PCDHA9: variants seen among roughly 807,000 people sequenced by gnomAD.
PCDHA9 encodes protocadherin alpha 9.
PCDHA9 carries 62 observed loss-of-function variants against 62.0 expected under a neutral mutation model. The observed-to-expected ratio is 1.00, with a 90% CI of 0.81 to 1.23. The LOEUF (loss-of-function observed/expected upper bound fraction) is 1.23, where lower values mean the gene tolerates loss of function less well. Among genes scored for constraint, PCDHA9 ranks in the 50% most tolerant of loss-of-function variants. PCDHA9 has a pLI of 0.00. For missense variants in PCDHA9, 1,205 were observed against 1,249.8 expected (o/e 0.96, Z 0.54); for synonymous variants, 557 against 567.6 (o/e 0.98, Z 0.27).
intron 1 of PCDHA9, chr5:140,861,164 C>G (rs2046783856): frequency 6.4e-6 from 1 of 156,700 alleles, no homozygotes; most frequent in African/African-American, 2.4e-5. Flanking sequence ...CAAAAGGTCT[C>G]AGAGGAACTA....
chr5:140,849,848 C>A lies in PCDHA9; in HGVS notation c.1353C>A (p.Asn451Lys), dbSNP rs2150453425. Residue 451 changes from asparagine to lysine, a missense_variant, in exon 1 of 4, where the codon AAC becomes AAA. Coordinates refer to ENST00000532602, the MANE Select transcript of PCDHA9 (RefSeq NM_031857.2). ...VSVEVADVND[N>K]APAFAQSEYT... ...TGGAGGTGGCCGACGTGAACGACAA[C>A]GCACCAGCGTTCGCGCAGTCCGAGT... 1 of 1,598,546 alleles carries A rather than the reference C, an allele frequency of 6.3e-7. No homozygotes were observed. Among genetic ancestry groups the A allele is most frequent in the African/African-American group, 1.3e-5 (1 of 74,516 alleles).
At chr5:140,961,981 T>G (rs1408145304) in intron 1 of PCDHA9, among the ~76,000 whole-genome samples, 1 of 152,076 alleles carries the variant, frequency 6.6e-6, no homozygotes, top group African/African-American at 2.4e-5. Context: ...CCTCCTGGGT[T>G]CACGCCATTG....
intron 1 of PCDHA9, chr5:140,870,544 G>T: frequency 6.2e-7 from 1 of 1,614,124 alleles, no homozygotes. Context: ...GGCGCGGGAC[G>T]CGGACGCGCA....
At position 140,925,553 on chromosome 5, in the gene PCDHA9, A is replaced by G. The variant is rs183194732; in HGVS notation, c.2395-53396A>G. 8.0e-3 allele frequency among the ~76,000 whole-genome samples: 1,211 copies of G among 152,074 alleles called. 7 individuals carry two copies. The highest frequency in any genetic ancestry group is 0.019 in the African/African-American group (785 of 41,482). On this transcript the variant is annotated intron_variant, in intron 1 of 3. Transcript: ENST00000532602. The stretch of plus-strand genomic sequence containing the variant: ...AGGAGAAATACCTAATGTAAATGAC[A>G]AGTTAATGGGTGCAGCACACCAACA...
intron 1 of PCDHA9, among the ~76,000 whole-genome samples, chr5:140,890,160 C>T (rs1554184178): frequency 1.3e-5 from 2 of 152,246 alleles, no homozygotes; most frequent in East Asian, 3.9e-4. Context: ...AGTATTTCTG[C>T]CACAGAAATA....
chr5:140,929,470 T>G (rs1554207109), intron 1 of PCDHA9: 3 of 1,296,742 alleles, frequency 2.3e-6, no homozygotes, highest in Admixed American at 2.9e-5. Context: ...CCAAGAAATC[T>G]GGAAGTATAG....
chr5:140,959,061 A>G (rs1434123552), intron 1 of PCDHA9, among the ~76,000 whole-genome samples: 2 of 152,126 alleles, frequency 1.3e-5, no homozygotes, highest in Non-Finnish European at 2.9e-5. Flanking sequence ...AATGCAGTAT[A>G]TATAGAATTC....
intron 1 of PCDHA9, among the ~76,000 whole-genome samples, chr5:140,893,520 T>G (rs1490032872): frequency 6.6e-6 from 1 of 152,152 alleles, no homozygotes; most frequent in Non-Finnish European, 1.5e-5. Flanking sequence ...GTTGTAGAAC[T>G]CCTTTAAGTA....
At chr5:140,966,454 C>T (rs897696652) in intron 1 of PCDHA9, 6 of 426,406 alleles carry the variant, frequency 1.4e-5, no homozygotes, top group Admixed American at 4.4e-5. Flanking sequence ...TCCCCCTCCC[C>T]CTCTGTCTTC....
chr5:140,969,254 A>G (rs781854163), intron 1 of PCDHA9: 2 of 1,614,242 alleles, frequency 1.2e-6, no homozygotes, highest in Non-Finnish European at 1.7e-6. Context: ...GACTGACAGC[A>G]GGAATCTCAC....
At chr5:140,909,215 AC>A (rs1554193695) in intron 1 of PCDHA9, among the ~76,000 whole-genome samples, 1 of 152,160 alleles carries the variant, frequency 6.6e-6, no homozygotes, top group African/African-American at 2.4e-5. Flanking sequence ...GAGTTGATAT[AC>A]CCCTGAGGTA....
chr5:140,869,348 G>A (rs782687742), intron 1 of PCDHA9: 1 of 1,614,066 alleles, frequency 6.2e-7, no homozygotes, highest in South Asian at 1.1e-5. Context: ...CTGCAGAATG[G>A]CATTTTGTTT....
At chr5:140,892,363 G>T (rs1485881453) in intron 1 of PCDHA9, among the ~76,000 whole-genome samples, 1 of 152,120 alleles carries the variant, frequency 6.6e-6, no homozygotes, top group African/African-American at 2.4e-5. Context: ...CAGGCATCTT[G>T]GGGCACTAGC....
rs782319322 is a variant in PCDHA9, at chr5:140,870,788, C to T, written c.2394+19899C>T. 6 of 1,613,518 alleles carry T rather than the reference C, an allele frequency of 3.7e-6. No individual in the cohort carries two copies. The Admixed American group carries it at 6.7e-5, about 18-fold the overall frequency. On this transcript the variant is annotated intron_variant, in intron 1 of 3. Coordinates refer to ENST00000532602, the MANE Select transcript of PCDHA9 (RefSeq NM_031857.2). Reference sequence around the variant, plus strand: ...GTGCTGGACGAGAACGACAACGCGCCGGCACTGCTGGCGACTCAGGCTGGC... The same window carrying T: ...GTGCTGGACGAGAACGACAACGCGCTGGCACTGCTGGCGACTCAGGCTGGC...
At chr5:140,981,859 C>A (rs2096954450) in intron 2 of PCDHA9, among the ~76,000 whole-genome samples, 1 of 152,118 alleles carries the variant, frequency 6.6e-6, no homozygotes, top group African/African-American at 2.4e-5. Flanking sequence ...TCACTCCCAG[C>A]AATGTTTTAT....
intron 1 of PCDHA9, chr5:140,966,887 G>A: frequency 6.3e-7 from 1 of 1,592,682 alleles, no homozygotes. Flanking sequence ...TGGCCCTGCG[G>A]CCTCCCAGCT....
intron 1 of PCDHA9, chr5:140,928,599 T>G: frequency 6.2e-7 from 1 of 1,614,224 alleles, no homozygotes. Context: ...CAGTGGAAAT[T>G]GTGCCCCGCT....
Position 140,853,860 on chromosome 5 carries a change from C to T in PCDHA9, c.2394+2971C>T, listed in dbSNP as rs2042890748. The T allele has an allele frequency of 9.1e-6, 9 of 984,410 alleles. No individual in the cohort carries two copies. In the South Asian group the frequency reaches 3.3e-4, roughly 36 times the overall value. The allele number at this position is 984,410 out of a possible 1,614,324, so 61.0% of individuals were successfully genotyped here. On this transcript the variant is annotated intron_variant, in intron 1 of 3. Coordinates refer to ENST00000532602, the MANE Select transcript of PCDHA9 (RefSeq NM_031857.2). ...TTTAGATCCATAGCCCTATTTGATA[C>T]TTGACAGTGCAAGTTTCTGTAATTT...
In PCDHA9 at chr5:140,993,460, T is replaced by TCCCA. The variant is rs1554253699; in HGVS notation, c.2542+10898_2542+10899insCCAC. On this transcript the variant is annotated intron_variant, in intron 3 of 3. Transcript: ENST00000532602. Reference sequence around the variant, plus strand: ...TTCATTCCTGTTCTCCTTCTTTCTTTCTCACACACACACACACACACACAC... The same window carrying TCCCA: ...TTCATTCCTGTTCTCCTTCTTTCTTTCCCACTCACACACACACACACACACACAC... Among the ~76,000 whole-genome samples, 30 of 104,506 alleles carry TCCCA rather than the reference T, an allele frequency of 2.9e-4. 1 individual carries two copies. The highest frequency in any genetic ancestry group is 1.1e-3 in the African/African-American group (29 of 25,484). The allele number at this position is 104,506 out of a possible 152,430, so 68.6% of individuals were successfully genotyped here.
Sources: gnomAD v4.1 joint callset for allele counts (sites outside exome capture counted in the v4.1 genomes callset) on GRCh38, gnomAD v4.1.1 for gene constraint, MANE v1.5 for transcripts, NCBI Gene and HGNC (gene_info 2026-07-23, HGNC 2026-07-21) for gene names.